CDH4: variants seen among roughly 807,000 people sequenced by gnomAD.
CDH4 encodes the protein cadherin-4.
CDH4 carries 33 observed loss-of-function variants against 86.0 expected under a neutral mutation model. That is an observed-to-expected ratio of 0.38 (90% CI 0.29 to 0.51). The LOEUF is 0.51. Among genes scored for constraint, CDH4 ranks in the 20% least tolerant of loss-of-function variants. The pLI is 0.86. For synonymous variants in CDH4, 555 were observed against 549.4 expected (o/e 1.01, Z -0.14); for missense variants, 1,114 against 1,307.4 (o/e 0.85, Z 2.28).
chr20:61,825,998 A>G lies in CDH4; in HGVS notation c.577-18670A>G, dbSNP rs139879988. On this transcript the variant is annotated intron_variant, in intron 4 of 15. Transcript: ENST00000614565. ...AATAGGCCGCCTCTCCCACTGCCAC[A>G]GCGTGCTCTGACCCCAGCCACCATC... Among the ~76,000 whole-genome samples the G allele has an allele frequency of 8.3e-4, 126 of 152,266 alleles. 1 individual carries two copies. Among genetic ancestry groups the G allele is most frequent in the Middle Eastern group, 3.4e-3 (1 of 294 alleles).
At chr20:61,922,944 C>G (rs1893477060) in intron 9 of CDH4, among the ~76,000 whole-genome samples, 1 of 152,228 alleles carries the variant, frequency 6.6e-6, no homozygotes, top group African/African-American at 2.4e-5. Flanking sequence ...ATGAGGGCCT[C>G]TGTCTTTAAC....
chr20:61,603,557 A>G (rs970344332), intron 2 of CDH4, among the ~76,000 whole-genome samples: 1 of 152,182 alleles, frequency 6.6e-6, no homozygotes, highest in Non-Finnish European at 1.5e-5. Context: ...GGGAGACCCA[A>G]AGCACAGGGA....
At chr20:61,432,833 A>ATTTTTT (rs36067606) in intron 2 of CDH4, among the ~76,000 whole-genome samples, 18 of 101,710 alleles carry the variant, frequency 1.8e-4, no homozygotes, top group Non-Finnish European at 2.4e-4. Context: ...TAAATCCATG[A>ATTTTTT]TTTTTTTTTT....
intron 6 of CDH4, among the ~76,000 whole-genome samples, chr20:61,861,897 A>C (rs1983345221): frequency 6.6e-6 from 1 of 151,990 alleles, no homozygotes; most frequent in Non-Finnish European, 1.5e-5. Flanking sequence ...CAGGAACCCC[A>C]CCCTCCAGAA....
intron 2 of CDH4, among the ~76,000 whole-genome samples, chr20:61,524,910 C>A (rs192345990): frequency 6.6e-6 from 1 of 152,186 alleles, no homozygotes; most frequent in Non-Finnish European, 1.5e-5. Context: ...GAATCTCATA[C>A]ACAGAAGTGA....
intron 2 of CDH4, among the ~76,000 whole-genome samples, chr20:61,705,776 T>C (rs2087822913): frequency 6.6e-6 from 1 of 152,220 alleles, no homozygotes. Context: ...TTAAATGTGG[T>C]GGATGCCTGC....
At chr20:61,565,221 TA>T (rs1376063481) in intron 2 of CDH4, among the ~76,000 whole-genome samples, 1,810 of 40,512 alleles carry the variant, frequency 0.045, 330 homozygotes, top group Non-Finnish European at 0.062. Flanking sequence ...CTCTCGGTGG[TA>T]GGTGGTGGTG....
chr20:61,790,919 C>G (rs751487836), intron 4 of CDH4, among the ~76,000 whole-genome samples: 1 of 151,910 alleles, frequency 6.6e-6, no homozygotes, highest in African/African-American at 2.4e-5. Context: ...TTTCTACACC[C>G]ATTCGTTCAT....
At chr20:61,285,551 A>AT (rs2084288976) in intron 2 of CDH4, among the ~76,000 whole-genome samples, 1 of 152,238 alleles carries the variant, frequency 6.6e-6, no homozygotes, top group African/African-American at 2.4e-5. Context: ...GCCACGGAGC[A>AT]TTTTTTGCCG....
intron 2 of CDH4, among the ~76,000 whole-genome samples, chr20:61,656,295 G>T (rs112579102): frequency 1.2e-3 from 143 of 114,596 alleles, no homozygotes; most frequent in African/African-American, 4.9e-3. Context: ...GCGCGTGCTG[G>T]GGTGGGTAGG....
intron 2 of CDH4, among the ~76,000 whole-genome samples, chr20:61,305,730 G>A (rs893607166): frequency 3.3e-5 from 5 of 152,154 alleles, no homozygotes; most frequent in African/African-American, 7.2e-5. Flanking sequence ...CATCAAGATC[G>A]AAGGGAGCCA....
In CDH4 at chr20:61,636,552, A is replaced by T. The variant is rs1427438301; in HGVS notation, c.170-107011A>T. ...GTCCCCGGCAGCCTTGCTGCCTTTT[A>T]CTTGTCTCTGAGCCCAGCGAGCGTG... is the stretch of plus-strand genomic sequence containing the variant. On this transcript the variant is annotated intron_variant, in intron 2 of 15. Transcript: ENST00000614565. Among the ~76,000 whole-genome samples, 8 of 152,308 alleles carry T rather than the reference A, an allele frequency of 5.3e-5. No homozygotes were observed. In the South Asian group the frequency reaches 1.5e-3, roughly 28 times the overall value.
rs771851717 is a variant in CDH4, at chr20:61,393,056, G to A, written c.169+138119G>A. Among the ~76,000 whole-genome samples, 2 of 152,066 alleles carry A rather than the reference G, an allele frequency of 1.3e-5. No homozygotes were observed. The highest frequency in any genetic ancestry group is 2.4e-5 in the African/African-American group (1 of 41,404). Reference sequence around the variant, plus strand: ...AGCTGCGGGGCCCCTCGGTGATCAGGGCCGTTTATTTTCCTCCTAATTTCT... The same window carrying A: ...AGCTGCGGGGCCCCTCGGTGATCAGAGCCGTTTATTTTCCTCCTAATTTCT... On this transcript the variant is annotated intron_variant, in intron 2 of 15. Transcript: ENST00000614565. The surrounding 1 kb of genome is among the most constrained non-coding windows in gnomAD (Gnocchi z 4.3).
intron 2 of CDH4, among the ~76,000 whole-genome samples, chr20:61,583,310 G>A (rs34717185): frequency 1.3e-3 from 193 of 146,030 alleles, no homozygotes; most frequent in Middle Eastern, 3.6e-3. Context: ...AGAGGGCTCT[G>A]TGGGGGGACA....
At chr20:61,584,053 A>G (rs2086452117) in intron 2 of CDH4, among the ~76,000 whole-genome samples, 1 of 152,158 alleles carries the variant, frequency 6.6e-6, no homozygotes, top group African/African-American at 2.4e-5. Flanking sequence ...TCAGCTACTT[A>G]GGAGGCTGAG....
chr20:61,282,729 C>T (rs1173396814), intron 2 of CDH4, among the ~76,000 whole-genome samples: 1 of 152,198 alleles, frequency 6.6e-6, no homozygotes, highest in African/African-American at 2.4e-5. Context: ...GTGTGCATGC[C>T]CACAAGCATG....
intron 2 of CDH4, among the ~76,000 whole-genome samples, chr20:61,376,815 C>T (rs887668098): frequency 4.6e-5 from 7 of 152,188 alleles, no homozygotes; most frequent in Admixed American, 3.3e-4. Flanking sequence ...AGGTGAATGG[C>T]CGGTGGCCAA....
chr20:61,551,537 A>G (rs1271065788), intron 2 of CDH4, among the ~76,000 whole-genome samples: 1 of 152,186 alleles, frequency 6.6e-6, no homozygotes, highest in East Asian at 1.9e-4. Flanking sequence ...GGCCTCTCAC[A>G]GCTCAGAGAA....
At chr20:61,616,081 C>T (rs1302972505) in intron 2 of CDH4, among the ~76,000 whole-genome samples, 4 of 152,204 alleles carry the variant, frequency 2.6e-5, no homozygotes, top group South Asian at 2.1e-4. Flanking sequence ...GTGAGCCCTC[C>T]GCACAGAGAG....
Sources: gnomAD v4.1 joint callset for allele counts (sites outside exome capture counted in the v4.1 genomes callset) on GRCh38, gnomAD v4.1.1 for gene constraint, Gnocchi (gnomAD v3.1) non-coding constraint, MANE v1.5 for transcripts, NCBI Gene and HGNC (gene_info 2026-07-23, HGNC 2026-07-21) for gene names.